The following ERBB4 variants were observed in gnomAD, a reference collection of about 807,000 sequenced individuals.
ERBB4 encodes the protein receptor tyrosine-protein kinase erbB-4.
Under a neutral mutation model 158.0 loss-of-function variants are expected in ERBB4, and 42 were observed. The ratio of observed to expected loss-of-function variants is 0.27; its 90% CI spans 0.21 to 0.34. ERBB4 has a LOEUF of 0.34. Ranked by LOEUF, ERBB4 falls within the 10% of genes least tolerant of loss-of-function variation. The pLI is 1.00. For synonymous variants in ERBB4, 583 were observed against 558.7 expected (o/e 1.04, Z -0.61); for missense variants, 1,333 against 1,624.1 (o/e 0.82, Z 3.08).
chr2:211,939,718 C>A (rs1455239649), intron 3 of ERBB4, among the ~76,000 whole-genome samples: 1 of 152,062 alleles, frequency 6.6e-6, no homozygotes, highest in African/African-American at 2.4e-5. Flanking sequence ...AAGGCCGAGG[C>A]GGGCGGATCA....
At chr2:211,705,445 A>C in intron 9 of ERBB4, 54 bp from the exon 10 acceptor site, 1 of 1,100,952 alleles carries the variant, frequency 9.1e-7, no homozygotes, top group Non-Finnish European at 1.4e-6. Flanking sequence ...AAGGATTGAA[A>C]ATATGAGAAA....
At chr2:211,462,764 AT>A (rs1467348488) in intron 20 of ERBB4, among the ~76,000 whole-genome samples, 1 of 152,204 alleles carries the variant, frequency 6.6e-6, no homozygotes, top group African/African-American at 2.4e-5. Flanking sequence ...AGTGAAAAAA[AT>A]ATTGTCAGCT....
intron 2 of ERBB4, among the ~76,000 whole-genome samples, chr2:212,113,107 A>T (rs1020327389): frequency 6.6e-6 from 1 of 152,172 alleles, no homozygotes; most frequent in African/African-American, 2.4e-5. Context: ...AAGGGTGGGG[A>T]TGAAAATACA....
At chr2:212,277,984 G>T (rs912116187) in intron 1 of ERBB4, among the ~76,000 whole-genome samples, 22 of 151,416 alleles carry the variant, frequency 1.5e-4, no homozygotes, top group Non-Finnish European at 2.2e-4. Flanking sequence ...CTTCACTCCG[G>T]ACTTCACTGG....
intron 17 of ERBB4, among the ~76,000 whole-genome samples, chr2:211,630,073 T>A (rs1018851015): frequency 6.6e-6 from 1 of 152,192 alleles, no homozygotes; most frequent in African/African-American, 2.4e-5. Context: ...AAAGAGCTTC[T>A]GCACAGCAAA....
intron 1 of ERBB4, among the ~76,000 whole-genome samples, chr2:212,299,859 T>C (rs896151167): frequency 6.6e-6 from 1 of 151,644 alleles, no homozygotes; most frequent in African/African-American, 2.4e-5. Context: ...TACTGCTGCA[T>C]AGCACGGCAG....
chr2:212,024,165 A>C (rs1397762679), intron 2 of ERBB4, among the ~76,000 whole-genome samples: 1 of 151,916 alleles, frequency 6.6e-6, no homozygotes, highest in East Asian at 1.9e-4. Context: ...CTGCTTAATC[A>C]AGCATAAATG....
chr2:212,356,433 C>G (rs1209764772), intron 1 of ERBB4, among the ~76,000 whole-genome samples: 4 of 151,952 alleles, frequency 2.6e-5, no homozygotes, highest in African/African-American at 9.7e-5. Context: ...AAAAATAAAT[C>G]TGATGGCTCT....
chr2:211,420,646 A>T, intron 24 of ERBB4, 35 bp from the exon 25 acceptor site: 1 of 1,558,252 alleles, frequency 6.4e-7, no homozygotes, highest in East Asian at 2.2e-5. Flanking sequence ...CACAAATATG[A>T]TTCTTTCTTA....
chr2:211,616,336 C>T (rs555971693), intron 19 of ERBB4, among the ~76,000 whole-genome samples: 5 of 152,188 alleles, frequency 3.3e-5, no homozygotes, highest in East Asian at 1.9e-4. Flanking sequence ...TCTAAACTCC[C>T]CCATTGATGA....
rs1173596112 is a variant in ERBB4 at position 211,492,137 on chromosome 2, A to G, written c.2488-61037T>C. On this transcript the variant is annotated intron_variant, in intron 20 of 27. Transcript: ENST00000342788. ...AATAGGATATATTTACCAGCTAAAG[A>G]GATGTGTCAGTCAGAAGGCTAGACT... Among the ~76,000 whole-genome samples the G allele has an allele frequency of 3.9e-5, 6 of 152,098 alleles. 1 individual carries two copies. The highest frequency in any genetic ancestry group is 2.9e-5 in the Non-Finnish European group (2 of 68,000).
intron 1 of ERBB4, among the ~76,000 whole-genome samples, chr2:212,151,480 CAATT>C (rs144280653): frequency 0.018 from 2,660 of 151,444 alleles, 37 homozygotes; most frequent in Non-Finnish European, 0.027. Flanking sequence ...TATAAAACCT[CAATT>C]AAACTCCCCC....
intron 12 of ERBB4, among the ~76,000 whole-genome samples, chr2:211,700,372 T>C (rs1028644045): frequency 6.6e-6 from 1 of 152,190 alleles, no homozygotes; most frequent in African/African-American, 2.4e-5. Context: ...ATAACATGCA[T>C]ATTTTGATAC....
At chr2:211,827,701 T>A (rs2077133796) in intron 3 of ERBB4, among the ~76,000 whole-genome samples, 1 of 152,076 alleles carries the variant, frequency 6.6e-6, no homozygotes, top group Non-Finnish European at 1.5e-5. Flanking sequence ...AATCCATCTA[T>A]ATTTGCTGAA....
At position 211,383,887 on chromosome 2, in the gene ERBB4, C is replaced by A; in HGVS notation, c.3655G>T (p.Ala1219Ser). 2 of 1,614,116 alleles carry A rather than the reference C, an allele frequency of 1.2e-6. No individual in the cohort carries two copies. Among genetic ancestry groups the A allele is most frequent in the Non-Finnish European group, 1.7e-6 (2 of 1,180,018 alleles). The change falls in exon 28 of 28, where the codon GCT (alanine) becomes TCT (serine). Residue 1219 changes from alanine to serine, a missense_variant. Ala to Ser is a moderately conservative substitution (Grantham distance 99). This residue lies in a region of ERBB4 where 252 missense variants were observed against 241.3 expected (regional missense o/e 1.04). Coordinates refer to ENST00000342788, the MANE Select transcript of ERBB4 (RefSeq NM_005235.3). ...LNTFANTLGK[A>S]EYLKNNILSM... ...AGTATGTTGTTCTTCAGGTACTCAG[C>A]TTTTCCCAAGGTGTTGGCAAAGGTG...
chr2:212,062,396 A>ATTTTTTTTTTT (rs1559419685), intron 2 of ERBB4, among the ~76,000 whole-genome samples: 36 of 96,516 alleles, frequency 3.7e-4, no homozygotes, highest in Non-Finnish European at 6.1e-4. Context: ...TCACTTGTCA[A>ATTTTTTTTTTT]TTCTTTTTTT....
intron 2 of ERBB4, among the ~76,000 whole-genome samples, chr2:212,115,310 T>C (rs1477460311): frequency 1.3e-5 from 2 of 151,962 alleles, no homozygotes; most frequent in Non-Finnish European, 1.5e-5. Context: ...TCATGCAAAA[T>C]TGTTCATCAA....
chr2:212,037,590 CAGA>C, intron 2 of ERBB4, among the ~76,000 whole-genome samples: 1 of 152,280 alleles, frequency 6.6e-6, no homozygotes, highest in East Asian at 1.9e-4. Context: ...TGTTCCAATG[CAGA>C]AGAATACAGA....
rs2074139501 is a variant in ERBB4, at chr2:211,722,609, G to A, written c.742-75C>T. ...TGTTAATGAAACGCTGCCAAAACAG[G>A]AGAAGTTTTTTTCTATAATAATTCC... On this transcript the variant is annotated intron_variant, in intron 6 of 27. Coordinates refer to ENST00000342788, the MANE Select transcript of ERBB4 (RefSeq NM_005235.3). 3.3e-5 allele frequency: 47 copies of A among 1,437,398 alleles called. No homozygotes were observed. In the South Asian group the frequency reaches 4.4e-4, roughly 14 times the overall value. 89.0% of individuals were successfully genotyped at this position (1,437,398 alleles called of 1,614,324 possible).
Sources: gnomAD v4.1 joint callset for allele counts (sites outside exome capture counted in the v4.1 genomes callset) on GRCh38, gnomAD v4.1.1 for gene constraint, gnomAD v4.1.1 regional missense constraint, MANE v1.5 for transcripts, NCBI Gene and HGNC (gene_info 2026-07-23, HGNC 2026-07-21) for gene names.